MGAT4A: variants seen among roughly 807,000 people sequenced by gnomAD.
MGAT4A encodes the protein alpha-1,3-mannosyl-glycoprotein 4-beta-N-acetylglucosaminyltransferase A, also known as N-acetylglucosaminyltransferase IVa.
A neutral mutation model predicts 74.1 loss-of-function variants in MGAT4A; 33 were observed. That is an observed-to-expected ratio of 0.45 (90% confidence interval 0.34 to 0.60). The LOEUF is 0.60. MGAT4A is among the 20% of genes least tolerant of loss of function. The probability of loss-of-function intolerance (pLI) is 0.02; values close to 1 mark genes in which losing one functional copy is unlikely to be tolerated. For missense variants in MGAT4A, 479 were observed against 628.3 expected, an observed-to-expected ratio of 0.76 and a Z score of 2.54; for synonymous variants, 198 against 210.4, an observed-to-expected ratio of 0.94 and a Z score of 0.51.
Position 98,720,970 on chromosome 2 carries a change from C to A in MGAT4A, c.94+5269G>T, listed in dbSNP as rs538822798. On this transcript the variant is annotated intron_variant, in intron 2 of 15. Transcript: ENST00000393487. Reference sequence around the variant, plus strand: ...AAGCTCAACAGACTCCAAACAGGGTCAATAAAAGAGACCCACAAACACATG... The same window carrying A: ...AAGCTCAACAGACTCCAAACAGGGTAAATAAAAGAGACCCACAAACACATG... Among the ~76,000 whole-genome samples the A allele has an allele frequency of 7.2e-5, 11 of 152,138 alleles. No homozygotes were observed. The East Asian group carries it at 2.1e-3, about 29-fold the overall frequency.
chr2:98,693,082 G>T (rs940505905), intron 2 of MGAT4A, among the ~76,000 whole-genome samples: 1 of 152,244 alleles, frequency 6.6e-6, no homozygotes, highest in African/African-American at 2.4e-5. Flanking sequence ...ATGACCTACT[G>T]GGGAAAAGAT....
chr2:98,633,084 T>TG (rs1701266493), intron 14 of MGAT4A, among the ~76,000 whole-genome samples: 2 of 152,228 alleles, frequency 1.3e-5, no homozygotes, highest in South Asian at 4.1e-4. Flanking sequence ...GGCTGGCTTC[T>TG]GCTACTGACT....
chr2:98,650,940 T>G (rs1701568333), intron 8 of MGAT4A, among the ~76,000 whole-genome samples: 1 of 151,050 alleles, frequency 6.6e-6, no homozygotes, highest in East Asian at 1.9e-4. Context: ...AGAGCAAGAC[T>G]CCATCTCAAA....
intron 2 of MGAT4A, among the ~76,000 whole-genome samples, chr2:98,683,741 A>C (rs1702094029): frequency 6.6e-6 from 1 of 152,190 alleles, no homozygotes; most frequent in Non-Finnish European, 1.5e-5. Context: ...AGGAAGAATA[A>C]GCAGTCCCAG....
chr2:98,631,983 G>A (rs550492939), intron 14 of MGAT4A, among the ~76,000 whole-genome samples: 10 of 152,248 alleles, frequency 6.6e-5, no homozygotes, highest in African/African-American at 1.9e-4. Flanking sequence ...GGTGGTGGGC[G>A]CCTGTAATCC....
Position 98,729,072 on chromosome 2 carries a change from A to C in MGAT4A, c.-236+1976T>G, listed in dbSNP as rs575041499. Among the ~76,000 whole-genome samples the C allele has an allele frequency of 6.6e-5, 10 of 152,290 alleles. 1 individual carries two copies. The South Asian group carries it at 2.1e-3, about 32-fold the overall frequency. ...ATTTTAAAAGTTTTACTAAATACAA[A>C]TAAAGCTTGTAAAAACATTCCGTAG... On this transcript the variant is annotated intron_variant, in intron 1 of 15. Coordinates refer to ENST00000393487, the MANE Select transcript of MGAT4A (RefSeq NM_012214.3).
intron 8 of MGAT4A, among the ~76,000 whole-genome samples, chr2:98,647,898 C>A (rs141313891): frequency 7.9e-5 from 12 of 152,310 alleles, no homozygotes; most frequent in African/African-American, 2.6e-4. Flanking sequence ...GTGATACATT[C>A]CCAAACCATG....
In MGAT4A at chr2:98,625,727, T is replaced by C. The variant is rs1485158633; in HGVS notation, c.1577A>G (p.Asn526Ser). ...IQNSAVWAILNEIHIKKATN is the reference protein window; with the variant it reads ...IQNSAVWAILSEIHIKKATN ...ACTGATTTGATATATGCTTACCTCA[T>C]TAAGAATGGCCCAAACAGCAGAATT... Residue 526 changes from asparagine (N) to serine (S), a missense_variant, in exon 15 of 16, where the codon AAT (asparagine) becomes AGT (serine). Physicochemically the swap from Asn to Ser is conservative, Grantham distance 46. This residue lies in a region of MGAT4A where 236 missense variants were observed against 308.2 expected (regional missense o/e 0.77). Coordinates refer to ENST00000393487, the MANE Select transcript of MGAT4A (RefSeq NM_012214.3). 5 of 1,609,464 alleles carry C rather than the reference T, an allele frequency of 3.1e-6. No individual in the cohort carries two copies. Among genetic ancestry groups the C allele is most frequent in the South Asian group, 1.1e-5 (1 of 90,736 alleles).
At chr2:98,638,481 C>G (rs1332757334) in intron 12 of MGAT4A, among the ~76,000 whole-genome samples, 1 of 152,220 alleles carries the variant, frequency 6.6e-6, no homozygotes, top group Non-Finnish European at 1.5e-5. Flanking sequence ...CTGCTTACAG[C>G]ATTCCACTGC....
In MGAT4A at chr2:98,623,549, A is replaced by G. The variant is rs1575236518; in HGVS notation, c.*2017T>C. ...TCCTGTTTTTGAATGAAATTTGCTCATGGGCACTGGGCCAAGGAAATTTGA... is the reference window on the plus strand; with the variant it reads ...TCCTGTTTTTGAATGAAATTTGCTCGTGGGCACTGGGCCAAGGAAATTTGA... On this transcript the variant is annotated 3_prime_UTR_variant, in exon 16 of 16. Transcript: ENST00000393487. The G allele has an allele frequency of 2.0e-6, 2 of 985,440 alleles. No individual in the cohort carries two copies. The highest frequency in any genetic ancestry group is 5.2e-4 in the Middle Eastern group (1 of 1,914). 61.0% of individuals were successfully genotyped at this position (985,440 alleles called of 1,614,324 possible). A position where few individuals can be genotyped will look rare whatever the true frequency, so the allele number is the denominator to read the frequency against.
chr2:98,672,998 C>G (rs1701931231), intron 4 of MGAT4A, among the ~76,000 whole-genome samples: 1 of 152,106 alleles, frequency 6.6e-6, no homozygotes, highest in African/African-American at 2.4e-5. Context: ...CTAAATTATT[C>G]AGCAACCCCT....
intron 8 of MGAT4A, among the ~76,000 whole-genome samples, chr2:98,648,999 C>A (rs1029101919): frequency 2.0e-5 from 3 of 152,142 alleles, no homozygotes; most frequent in Non-Finnish European, 2.9e-5. Context: ...TGTGCCACTG[C>A]GCTCCAGCCT....
intron 8 of MGAT4A, 93 bp downstream of exon 8, chr2:98,655,352 T>C: frequency 1.1e-6 from 1 of 889,750 alleles, no homozygotes. Flanking sequence ...TCAGAGGGTT[T>C]GCACTTTCAA....
chr2:98,663,728 G>A (rs553466496), intron 4 of MGAT4A, among the ~76,000 whole-genome samples: 26 of 152,234 alleles, frequency 1.7e-4, no homozygotes, highest in South Asian at 6.2e-4. Context: ...AAAGACTAAG[G>A]AACCACGACA....
Position 98,621,347 on chromosome 2 carries a change from G to C in MGAT4A, c.*4219C>G, listed in dbSNP as rs2104201793. The C allele has an allele frequency of 6.6e-7, 1 of 1,512,910 alleles. No individual in the cohort carries two copies. Among genetic ancestry groups the C allele is most frequent in the East Asian group, 2.5e-5 (1 of 39,886 alleles). 93.7% of individuals were successfully genotyped at this position (1,512,910 alleles called of 1,614,324 possible). On this transcript the variant is annotated 3_prime_UTR_variant, in exon 16 of 16. Transcript: ENST00000393487. Reference sequence around the variant, plus strand: ...CAGTTCCCGTGGCTGTAGGACTGCAGTTCCCAGCTCCTTTGCTGTTAGCCA... The same window carrying C: ...CAGTTCCCGTGGCTGTAGGACTGCACTTCCCAGCTCCTTTGCTGTTAGCCA...
chr2:98,677,332 T>C (rs942190389), intron 3 of MGAT4A, among the ~76,000 whole-genome samples: 1 of 152,232 alleles, frequency 6.6e-6, no homozygotes, highest in Non-Finnish European at 1.5e-5. Flanking sequence ...CACACATAAG[T>C]CATCACAGAA....
chr2:98,630,193 T>C (rs753797124), intron 14 of MGAT4A, among the ~76,000 whole-genome samples: 1 of 152,198 alleles, frequency 6.6e-6, no homozygotes, highest in East Asian at 1.9e-4. Context: ...AGCAAAAACA[T>C]GTACACAAAC....
intron 5 of MGAT4A, among the ~76,000 whole-genome samples, chr2:98,662,121 G>T (rs921116869): frequency 6.6e-6 from 1 of 152,182 alleles, no homozygotes; most frequent in Non-Finnish European, 1.5e-5. Flanking sequence ...GGAAAAACAG[G>T]AAACTCAAAT....
intron 2 of MGAT4A, among the ~76,000 whole-genome samples, chr2:98,725,414 T>G (rs1039973147): frequency 1.3e-5 from 2 of 152,192 alleles, no homozygotes; most frequent in African/African-American, 4.8e-5. Flanking sequence ...AGCAATCTTT[T>G]CAGTTGTCTT....
Sources: allele counts gnomAD v4.1 joint callset (sites outside exome capture counted in the v4.1 genomes callset), GRCh38; gene constraint gnomAD v4.1.1; regional missense constraint gnomAD v4.1.1; transcripts MANE v1.5; gene names NCBI Gene and HGNC (gene_info 2026-07-23, HGNC 2026-07-21).